The following SPINK1 variants were observed in gnomAD, a reference collection of about 807,000 sequenced individuals.
The protein encoded by SPINK1 is serine peptidase inhibitor Kazal type 1.
Under a neutral mutation model 9.5 loss-of-function variants are expected in SPINK1, and 5 were observed. The observed-to-expected ratio is 0.52, with a 90% CI of 0.27 to 1.10. The LOEUF (loss-of-function observed/expected upper bound fraction) is 1.10. Among genes scored for constraint, SPINK1 ranks in the 50% least tolerant of loss-of-function variants. The pLI is 0.11. For missense variants in SPINK1, 88 were observed against 92.7 expected (o/e 0.95, Z 0.21); for synonymous variants, 37 against 32.3 (o/e 1.14, Z -0.49).
chr5:147,825,273 A>ATC lies in SPINK1; in HGVS notation c.195-569_195-568dup, dbSNP rs148140302. 9.8e-3 allele frequency among the ~76,000 whole-genome samples: 1,495 copies of ATC among 152,224 alleles called. 15 individuals are homozygous for ATC. Among genetic ancestry groups the ATC allele is most frequent in the African/African-American group, 0.032 (1,334 of 41,522 alleles). ...TAGTTTTCTCTTCCCTAAACTAAAT[A>ATC]TCTCTAAATTTTATAATTGTTCCCT... is the stretch of plus-strand genomic sequence containing the variant. On this transcript the variant is annotated intron_variant, in intron 3 of 3. Transcript: ENST00000296695.
the SPINK1 span, among the ~76,000 whole-genome samples, chr5:147,837,701 CTTT>C: frequency 1.7e-3 from 232 of 140,386 alleles, 1 homozygote; most frequent in African/African-American, 6.0e-3. Context: ...TTCTTTCTTT[CTTT>C]CTTTCTTTCT....
intron 3 of SPINK1, chr5:147,826,956 A>G (rs1756416784): frequency 6.6e-6 from 1 of 152,118 alleles, no homozygotes; most frequent in Non-Finnish European, 1.5e-5. Flanking sequence ...TCTCAGAAAA[A>G]CTAAAGTCAC....
At chr5:147,832,313 AAG>A (rs1756522923), upstream of SPINK1, among the ~76,000 whole-genome samples, 1 of 152,158 alleles carries the variant, frequency 6.6e-6, no homozygotes, top group Non-Finnish European at 1.5e-5. Context: ...TGCTGGGTAA[AAG>A]AGAATATGTG....
At chr5:147,838,090 C>T in the SPINK1 span, among the ~76,000 whole-genome samples, 3 of 152,148 alleles carry the variant, frequency 2.0e-5, no homozygotes, top group South Asian at 4.1e-4. Flanking sequence ...CTCCCATCAG[C>T]TCTTTTCACT....
rs115767133 is a variant in SPINK1 at position 147,825,128 on chromosome 5, G to A, written c.195-422C>T. ...TTTCATCTTAGAGCTCTGGGGATTCGTATCTGTGAGGTCTCACAAAAGTAA... is the reference window on the plus strand; with the variant it reads ...TTTCATCTTAGAGCTCTGGGGATTCATATCTGTGAGGTCTCACAAAAGTAA... On this transcript the variant is annotated intron_variant, in intron 3 of 3. Coordinates refer to ENST00000296695, the MANE Select transcript of SPINK1 (RefSeq NM_001379610.1). Among the ~76,000 whole-genome samples the A allele has an allele frequency of 2.2e-3, 339 of 152,198 alleles. 2 individuals carry two copies. Among genetic ancestry groups the A allele is most frequent in the African/African-American group, 7.5e-3 (313 of 41,522 alleles).
intron 2 of SPINK1, 64 bp downstream of exon 2, chr5:147,829,535 C>T (rs1405575584): frequency 1.3e-6 from 2 of 1,505,744 alleles, no homozygotes; most frequent in Non-Finnish European, 1.8e-6. Context: ...GACAGCAAGG[C>T]TGCATTTTTG....
chr5:147,831,638 A>G lies in SPINK1; in HGVS notation c.-61T>C. The G allele has an allele frequency of 1.9e-6, 3 of 1,605,454 alleles. No individual in the cohort carries two copies. The highest frequency in any genetic ancestry group is 1.3e-5 in the African/African-American group (1 of 74,666). ...TGCACCGCACTTACCACGTCTCTTCAGAAGCCTGGGACTGGAAGGGTCATA... is the reference window on the plus strand; with the variant it reads ...TGCACCGCACTTACCACGTCTCTTCGGAAGCCTGGGACTGGAAGGGTCATA... On this transcript the variant is annotated 5_prime_UTR_variant, in exon 1 of 4. The change abolishes the stop of an existing upstream ORF in the 5' untranslated region. Coordinates refer to ENST00000296695, the MANE Select transcript of SPINK1 (RefSeq NM_001379610.1).
upstream of SPINK1, among the ~76,000 whole-genome samples, chr5:147,832,954 TA>T (rs1756533662): frequency 6.6e-6 from 1 of 152,042 alleles, no homozygotes; most frequent in African/African-American, 2.4e-5. Flanking sequence ...TGACAAAAAA[TA>T]ATAAGTGATT....
chr5:147,831,622 C>T lies in SPINK1; in HGVS notation c.-45G>A, dbSNP rs746065379. 6.2e-7 allele frequency: 1 copy of T among 1,610,246 alleles called. No homozygotes were observed. Among genetic ancestry groups the T allele is most frequent in the Non-Finnish European group, 8.5e-7 (1 of 1,178,612 alleles). ...GAGGTCAGTTGAAAACTGCACCGCACTTACCACGTCTCTTCAGAAGCCTGG... is the reference window on the plus strand; with the variant it reads ...GAGGTCAGTTGAAAACTGCACCGCATTTACCACGTCTCTTCAGAAGCCTGG... On this transcript the variant is annotated 5_prime_UTR_variant, in exon 1 of 4. It adds an upstream start codon to the 5' untranslated region. Coordinates refer to ENST00000296695, the MANE Select transcript of SPINK1 (RefSeq NM_001379610.1).
chr5:147,835,783 A>G (rs1362017700), upstream of SPINK1, among the ~76,000 whole-genome samples: 1 of 152,146 alleles, frequency 6.6e-6, no homozygotes, highest in African/African-American at 2.4e-5. Flanking sequence ...CAGAAACTAG[A>G]GATATACAGC....
At chr5:147,825,335 T>A (rs953929197) in intron 3 of SPINK1, among the ~76,000 whole-genome samples, 5 of 152,184 alleles carry the variant, frequency 3.3e-5, no homozygotes, top group African/African-American at 1.2e-4. Flanking sequence ...TTTCTAACCA[T>A]TTTTTCTTTG....
chr5:147,829,719 CTG>C lies in SPINK1; in HGVS notation c.56-91_56-90del, dbSNP rs770380164. The C allele has an allele frequency of 1.8e-5, 21 of 1,182,546 alleles. No individual in the cohort carries two copies. Among genetic ancestry groups the C allele is most frequent in the Non-Finnish European group, 2.6e-5 (21 of 797,446 alleles). 73.3% of individuals were successfully genotyped at this position (1,182,546 alleles called of 1,614,324 possible). On this transcript the variant is annotated intron_variant, in intron 1 of 3. Coordinates refer to ENST00000296695, the MANE Select transcript of SPINK1 (RefSeq NM_001379610.1). ...CAGAATTCTCTGCTTTCATTGCAGACTGTGACTTCTTTACTAGGCTCTTTCAT... is the reference window on the plus strand; with the variant it reads ...CAGAATTCTCTGCTTTCATTGCAGACTGACTTCTTTACTAGGCTCTTTCAT...
chr5:147,831,746 C>T, upstream of SPINK1: 1 of 1,463,844 alleles, frequency 6.8e-7, no homozygotes, highest in Non-Finnish European at 9.0e-7. Flanking sequence ...CATAGCCTGG[C>T]CTCCAGGTTC....
At chr5:147,825,720 C>T (rs1274179358) in intron 3 of SPINK1, among the ~76,000 whole-genome samples, 1 of 152,172 alleles carries the variant, frequency 6.6e-6, no homozygotes, top group African/African-American at 2.4e-5. Context: ...GGATTACAGG[C>T]ATGAGCCACC....
upstream of SPINK1, chr5:147,831,854 T>G: frequency 7.7e-7 from 1 of 1,305,090 alleles, no homozygotes; most frequent in Non-Finnish European, 9.9e-7. Flanking sequence ...AGTGGTTAGT[T>G]TGATCCCTAA....
chr5:147,830,179 T>C (rs1239546062), intron 1 of SPINK1, among the ~76,000 whole-genome samples: 2 of 152,212 alleles, frequency 1.3e-5, no homozygotes, highest in African/African-American at 2.4e-5. Flanking sequence ...AAAATAGAGT[T>C]CTTTTGCCAA....
Position 147,828,093 on chromosome 5 carries a change from C to T in SPINK1, c.123G>A (p.Lys41=), listed in dbSNP as rs1425423799. 6.2e-7 allele frequency: 1 copy of T among 1,613,412 alleles called. No individual in the cohort carries two copies. The highest frequency in any genetic ancestry group is 1.1e-5 in the South Asian group (1 of 91,030). Residue 41 remains lysine (K), a synonymous_variant, in exon 3 of 4, where the codon AAG becomes AAA. Transcript: ENST00000296695. ...KCYNELNGCT[K]IYDPVCGTDG... is the part of the protein sequence containing the mutation. ...CAGTCCCACAGACAGGGTCATATAT[C>T]TTGGTGCATCCATTAAGTTCATTGT...
chr5:147,828,440 TG>T (rs1756451214), intron 2 of SPINK1, among the ~76,000 whole-genome samples: 1 of 152,166 alleles, frequency 6.6e-6, no homozygotes, highest in Non-Finnish European at 1.5e-5. Flanking sequence ...TTTACATGGA[TG>T]GGTGAGATAA....
chr5:147,832,612 T>C (rs1756527685), upstream of SPINK1, among the ~76,000 whole-genome samples: 3 of 152,204 alleles, frequency 2.0e-5, no homozygotes, highest in African/African-American at 7.2e-5. Context: ...TTCTTTCCTT[T>C]AACACACTGT....
Sources: allele counts gnomAD v4.1 joint callset (sites outside exome capture counted in the v4.1 genomes callset), GRCh38; gene constraint gnomAD v4.1.1; transcripts MANE v1.5; gene names NCBI Gene and HGNC (gene_info 2026-07-23, HGNC 2026-07-21).